ITGBL1: variants seen among roughly 807,000 people sequenced by gnomAD.
ITGBL1 encodes integrin subunit beta like 1.
ITGBL1 carries 51 observed loss-of-function variants against 68.5 expected under a neutral mutation model. The ratio of observed to expected loss-of-function variants is 0.74; its 90% CI spans 0.59 to 0.94. The LOEUF (loss-of-function observed/expected upper bound fraction) is 0.94, where lower values mean the gene tolerates loss of function less well. Among genes scored for constraint, ITGBL1 ranks in the 40% least tolerant of loss-of-function variants. ITGBL1 has a pLI of 0.00. For missense variants in ITGBL1, 649 were observed against 647.4 expected (o/e 1.00, Z -0.03); for synonymous variants, 209 against 227.3 (o/e 0.92, Z 0.72).
intron 2 of ITGBL1, among the ~76,000 whole-genome samples, chr13:101,494,027 A>T (rs978310156): frequency 4.6e-5 from 7 of 152,196 alleles, no homozygotes; most frequent in Middle Eastern, 3.2e-3. Context: ...ATACTCCACT[A>T]TTCAGCCACT....
chr13:101,708,677 G>T (rs2034317620), intron 9 of ITGBL1, among the ~76,000 whole-genome samples: 1 of 152,192 alleles, frequency 6.6e-6, no homozygotes, highest in South Asian at 2.1e-4. Flanking sequence ...AAAGAGGATG[G>T]ATGCTGTGAC....
intron 7 of ITGBL1, among the ~76,000 whole-genome samples, chr13:101,666,247 C>T (rs886399594): frequency 5.3e-5 from 8 of 152,106 alleles, no homozygotes; most frequent in Non-Finnish European, 7.4e-5. Flanking sequence ...ACTGAATGAA[C>T]CCTTTGTACT....
chr13:101,718,494 G>C (rs1853079381), downstream of ITGBL1: 1 of 152,042 alleles, frequency 6.6e-6, no homozygotes, highest in African/African-American at 2.4e-5. Flanking sequence ...AGTTGCAGTG[G>C]GATTAATGTC....
chr13:101,491,409 A>G (rs1412668330), intron 2 of ITGBL1, among the ~76,000 whole-genome samples: 2 of 152,208 alleles, frequency 1.3e-5, no homozygotes, highest in African/African-American at 4.8e-5. Flanking sequence ...TCTAGCAGAT[A>G]TAAGTAGTGA....
At chr13:101,679,796 T>C (rs2033597406) in intron 7 of ITGBL1, among the ~76,000 whole-genome samples, 1 of 152,232 alleles carries the variant, frequency 6.6e-6, no homozygotes, top group Non-Finnish European at 1.5e-5. Flanking sequence ...TGTTTTGCTC[T>C]ATGGTTTGGA....
In ITGBL1 at chr13:101,481,002, A is replaced by G. The variant is rs866547353; in HGVS notation, c.316+26902A>G. Among the ~76,000 whole-genome samples the G allele has an allele frequency of 4.8e-3, 692 of 143,314 alleles. 2 individuals are homozygous for G. Among genetic ancestry groups the G allele is most frequent in the Non-Finnish European group, 7.4e-3 (485 of 65,396 alleles). 94.0% of individuals were successfully genotyped at this position (143,314 alleles called of 152,430 possible). A position where few individuals can be genotyped will look rare whatever the true frequency, so the allele number is the denominator to read the frequency against. On this transcript the variant is annotated intron_variant, in intron 2 of 10. Transcript: ENST00000376180. ...AGGGAGCCTTTTAATGCCAAAAGAT[A>G]TGTGTGTGTGTGTGTGTGTGTGTGT...
chr13:101,568,323 TA>T (rs2050215174), intron 3 of ITGBL1, among the ~76,000 whole-genome samples: 1 of 152,178 alleles, frequency 6.6e-6, no homozygotes, highest in African/African-American at 2.4e-5. Flanking sequence ...TTGATCAAAA[TA>T]TTTTTTATTT....
At chr13:101,543,593 G>A (rs938193330) in intron 2 of ITGBL1, among the ~76,000 whole-genome samples, 12 of 152,108 alleles carry the variant, frequency 7.9e-5, no homozygotes, top group Admixed American at 7.9e-4. Flanking sequence ...TCCTGAGTTT[G>A]AATGTTGGCC....
intron 7 of ITGBL1, among the ~76,000 whole-genome samples, chr13:101,606,018 A>G (rs1373642124): frequency 3.4e-5 from 5 of 146,566 alleles, no homozygotes; most frequent in Non-Finnish European, 6.0e-5. Context: ...ATATATGTAT[A>G]TATGTTATAT....
intron 2 of ITGBL1, among the ~76,000 whole-genome samples, chr13:101,477,062 A>G (rs963680106): frequency 5.9e-5 from 9 of 152,146 alleles, no homozygotes; most frequent in Non-Finnish European, 1.3e-4. Flanking sequence ...CTGCACATGG[A>G]TCATTCTCAA....
chr13:101,476,743 TAA>T (rs770065393), intron 2 of ITGBL1, among the ~76,000 whole-genome samples: 3 of 152,070 alleles, frequency 2.0e-5, no homozygotes, highest in African/African-American at 7.2e-5. Flanking sequence ...AAAAACTATA[TAA>T]GAGGCAAGTT....
intron 7 of ITGBL1, among the ~76,000 whole-genome samples, chr13:101,607,623 ATAAGT>A (rs2030932383): frequency 1.3e-5 from 2 of 152,034 alleles, no homozygotes; most frequent in South Asian, 4.1e-4. Context: ...ATGAAAAAAA[ATAAGT>A]TAAATATTTT....
chr13:101,562,189 C>T (rs1288511441), intron 2 of ITGBL1, among the ~76,000 whole-genome samples: 2 of 151,656 alleles, frequency 1.3e-5, no homozygotes, highest in African/African-American at 4.8e-5. Context: ...ACTAGGACAA[C>T]CACTAAAAAT....
intron 7 of ITGBL1, among the ~76,000 whole-genome samples, chr13:101,662,968 C>T (rs1401174358): frequency 6.6e-6 from 1 of 152,010 alleles, no homozygotes; most frequent in Non-Finnish European, 1.5e-5. Context: ...CTTATTGCCC[C>T]AGTAAATTCC....
In ITGBL1 at chr13:101,582,148, C is replaced by A. The variant is rs9585730; in HGVS notation, c.728-1068C>A. Among the ~76,000 whole-genome samples, 10 of 152,108 alleles carry A rather than the reference C, an allele frequency of 6.6e-5. 1 individual carries two copies. The South Asian group carries it at 1.9e-3, about 28-fold the overall frequency. On this transcript the variant is annotated intron_variant, in intron 5 of 10. Coordinates refer to ENST00000376180, the MANE Select transcript of ITGBL1 (RefSeq NM_004791.3). ...ATATTAATCCTTTATATATTCAATT[C>A]TATGATTTATTTATATGTTTTTGAA...
intron 7 of ITGBL1, among the ~76,000 whole-genome samples, chr13:101,686,467 G>A (rs1014856418): frequency 6.6e-6 from 1 of 152,044 alleles, no homozygotes; most frequent in Admixed American, 6.6e-5. Context: ...ATATTCAAGT[G>A]CTGACTAATT....
At chr13:101,638,571 T>G (rs1185338650) in intron 7 of ITGBL1, among the ~76,000 whole-genome samples, 1 of 152,056 alleles carries the variant, frequency 6.6e-6, no homozygotes, top group African/African-American at 2.4e-5. Context: ...ACAATCATGG[T>G]GGAAGGTGAA....
chr13:101,477,548 T>G (rs2048555766), intron 2 of ITGBL1, among the ~76,000 whole-genome samples: 1 of 152,008 alleles, frequency 6.6e-6, no homozygotes, highest in African/African-American at 2.4e-5. Flanking sequence ...GGAAAGTTGG[T>G]GTTTTGAAAA....
chr13:101,586,480 C>A (rs2050559743), intron 6 of ITGBL1, among the ~76,000 whole-genome samples: 1 of 152,110 alleles, frequency 6.6e-6, no homozygotes, highest in South Asian at 2.1e-4. Flanking sequence ...TTGCTGAGTT[C>A]TTTTATAAAC....
Sources: allele counts gnomAD v4.1 joint callset (sites outside exome capture counted in the v4.1 genomes callset), GRCh38; gene constraint gnomAD v4.1.1; transcripts MANE v1.5; gene names NCBI Gene and HGNC (gene_info 2026-07-23, HGNC 2026-07-21).